The following TIAM1 variants were observed in gnomAD, a reference collection of about 807,000 sequenced individuals.
The protein encoded by TIAM1 is rho guanine nucleotide exchange factor TIAM1.
A neutral mutation model predicts 163.5 loss-of-function variants in TIAM1; 65 were observed. That is an observed-to-expected ratio of 0.40 (90% confidence interval 0.33 to 0.49). The LOEUF is 0.49. TIAM1 is among the 20% of genes least tolerant of loss of function. The pLI, the probability that TIAM1 is intolerant of heterozygous loss-of-function variation, is 0.77. For missense variants in TIAM1, 1,789 were observed against 2,044.7 expected, an observed-to-expected ratio of 0.87 and a Z score of 2.41; for synonymous variants, 833 against 810.1, an observed-to-expected ratio of 1.03 and a Z score of -0.48.
At chr21:31,232,178 C>G (rs953455568) in intron 6 of TIAM1, among the ~76,000 whole-genome samples, 1 of 151,536 alleles carries the variant, frequency 6.6e-6, no homozygotes, top group Non-Finnish European at 1.5e-5. Context: ...AAAAGCATAA[C>G]AATCCCCAAA....
chr21:31,424,161 T>C (rs2043699085), intron 2 of TIAM1, among the ~76,000 whole-genome samples: 1 of 152,236 alleles, frequency 6.6e-6, no homozygotes, highest in South Asian at 2.1e-4. Context: ...GTCTTCTTTC[T>C]TTTTCATTTT....
At chr21:31,312,036 C>A (rs185112977) in intron 2 of TIAM1, among the ~76,000 whole-genome samples, 1 of 152,250 alleles carries the variant, frequency 6.6e-6, no homozygotes, top group South Asian at 2.1e-4. Context: ...GACTCTTGGA[C>A]TTACACCAGT....
At chr21:31,434,343 T>G (rs2044139439) in intron 2 of TIAM1, among the ~76,000 whole-genome samples, 1 of 152,130 alleles carries the variant, frequency 6.6e-6, no homozygotes, top group Admixed American at 6.5e-5. Flanking sequence ...AGCATTACGA[T>G]CTGCCCCAGT....
intron 4 of TIAM1, among the ~76,000 whole-genome samples, chr21:31,256,672 A>G (rs1436009969): frequency 6.7e-6 from 1 of 149,052 alleles, no homozygotes; most frequent in Non-Finnish European, 1.5e-5. Context: ...TGGTATTCTC[A>G]GTATACTCTC....
chr21:31,484,519 G>A (rs191900238), intron 1 of TIAM1, among the ~76,000 whole-genome samples: 56 of 152,304 alleles, frequency 3.7e-4, no homozygotes, highest in African/African-American at 1.2e-3. Flanking sequence ...GTGAAAATCA[G>A]GGAGAAACAC....
intron 1 of TIAM1, among the ~76,000 whole-genome samples, chr21:31,500,607 C>G (rs1005951456): frequency 6.6e-6 from 1 of 152,160 alleles, no homozygotes; most frequent in Non-Finnish European, 1.5e-5. Flanking sequence ...CACTGGGGCA[C>G]AGCAGTCTTT....
intron 2 of TIAM1, among the ~76,000 whole-genome samples, chr21:31,461,476 CCT>C (rs2045324969): frequency 6.6e-6 from 1 of 151,560 alleles, no homozygotes; most frequent in South Asian, 2.1e-4. Flanking sequence ...AGAGAGAGGC[CCT>C]CTCTCAAAAA....
intron 2 of TIAM1, among the ~76,000 whole-genome samples, chr21:31,285,533 C>T (rs1381731631): frequency 1.3e-5 from 2 of 152,158 alleles, no homozygotes; most frequent in Non-Finnish European, 2.9e-5. Flanking sequence ...CTTGTGTTGA[C>T]GGCATGAAAT....
At chr21:31,506,261 TAC>T (rs112908703) in intron 1 of TIAM1, among the ~76,000 whole-genome samples, 9,271 of 148,430 alleles carry the variant, frequency 0.062, 494 homozygotes, top group Admixed American at 0.16. Context: ...CTCACACACG[TAC>T]ACACACACAC....
intron 11 of TIAM1, among the ~76,000 whole-genome samples, chr21:31,205,837 G>A (rs1261325449): frequency 6.6e-6 from 1 of 152,084 alleles, no homozygotes; most frequent in Non-Finnish European, 1.5e-5. Context: ...GGTGGGGTGA[G>A]CCTGTAGTCC....
At chr21:31,191,792 G>C (rs1210847142) in intron 13 of TIAM1, among the ~76,000 whole-genome samples, 1 of 152,164 alleles carries the variant, frequency 6.6e-6, no homozygotes. Flanking sequence ...TTAACAAAAA[G>C]TATTAAAATG....
At chr21:31,181,738 C>CTTG (rs369494603) in intron 15 of TIAM1, among the ~76,000 whole-genome samples, 18,542 of 84,214 alleles carry the variant, frequency 0.22, 6,234 homozygotes, top group Middle Eastern at 0.46. Flanking sequence ...ATTCCCAGCA[C>CTTG]TTCTTCTTCT....
At chr21:31,202,714 G>A (rs1235111848) in intron 12 of TIAM1, among the ~76,000 whole-genome samples, 194 bp downstream of exon 12, 1 of 152,218 alleles carries the variant, frequency 6.6e-6, no homozygotes, top group East Asian at 1.9e-4. Context: ...ACTGCTTCGT[G>A]CGTAAACAAA....
At chr21:31,431,723 T>G (rs12627433) in intron 2 of TIAM1, among the ~76,000 whole-genome samples, 1 of 152,154 alleles carries the variant, frequency 6.6e-6, no homozygotes, top group Non-Finnish European at 1.5e-5. Context: ...GCCTTTTGCT[T>G]GTAGGCCAAA....
At chr21:31,453,010 G>A in intron 2 of TIAM1, 2 of 479,994 alleles carry the variant, frequency 4.2e-6, no homozygotes, top group Non-Finnish European at 8.3e-6. Flanking sequence ...GTCAAAGTGG[G>A]AGATACACTG....
chr21:31,449,799 G>A (rs181532139), intron 2 of TIAM1, among the ~76,000 whole-genome samples: 19 of 152,282 alleles, frequency 1.2e-4, no homozygotes, highest in Non-Finnish European at 2.4e-4. Flanking sequence ...TCCAGGGTAG[G>A]CCTGGTTTGT....
intron 1 of TIAM1, among the ~76,000 whole-genome samples, chr21:31,533,724 C>T (rs1401050133): frequency 6.6e-6 from 1 of 152,012 alleles, no homozygotes; most frequent in African/African-American, 2.4e-5. Context: ...AGAGCAAGAC[C>T]CTGTCTCTAA....
chr21:31,374,036 C>G (rs977603469), intron 2 of TIAM1, among the ~76,000 whole-genome samples: 3 of 152,026 alleles, frequency 2.0e-5, no homozygotes, highest in Non-Finnish European at 4.4e-5. Flanking sequence ...TGGCCTTTCC[C>G]CTCCTTGGTA....
chr21:31,558,619 T>C (rs1216108059), intron 1 of TIAM1, among the ~76,000 whole-genome samples: 1 of 151,928 alleles, frequency 6.6e-6, no homozygotes, highest in African/African-American at 2.4e-5. Flanking sequence ...AATGCCGACG[T>C]CCGGACGCTG....
Sources: gnomAD v4.1 joint callset for allele counts (sites outside exome capture counted in the v4.1 genomes callset) on GRCh38, gnomAD v4.1.1 for gene constraint, MANE v1.5 for transcripts, NCBI Gene and HGNC (gene_info 2026-07-23, HGNC 2026-07-21) for gene names.